The following RORA variants were observed in gnomAD, a reference collection of about 807,000 sequenced individuals.
RORA encodes the protein nuclear receptor ROR-alpha.
In RORA, 7 loss-of-function variants were observed where a neutral mutation model predicts 69.5. The ratio of observed to expected loss-of-function variants is 0.10; its 90% CI spans 0.06 to 0.19. The LOEUF (loss-of-function observed/expected upper bound fraction) is 0.19. Ranked by LOEUF, RORA falls within the 10% of genes least tolerant of loss-of-function variation. RORA has a pLI of 1.00. For missense variants in RORA, 457 were observed against 663.0 expected, an observed-to-expected ratio of 0.69 and a Z score of 3.41; for synonymous variants, 261 against 240.8, an observed-to-expected ratio of 1.08 and a Z score of -0.78.
At chr15:60,585,760 C>A (rs928782941) in intron 2 of RORA, among the ~76,000 whole-genome samples, 13 of 152,024 alleles carry the variant, frequency 8.6e-5, no homozygotes, top group African/African-American at 2.9e-4. Flanking sequence ...ATTTTTTTTC[C>A]TTTACTTCCT....
At chr15:60,854,321 G>A (rs550887246) in intron 1 of RORA, among the ~76,000 whole-genome samples, 6 of 151,892 alleles carry the variant, frequency 4.0e-5, no homozygotes, top group Admixed American at 2.0e-4. Flanking sequence ...AACATAGTTC[G>A]AATTCAAATA....
At chr15:61,054,565 C>A (rs1371662798) in intron 1 of RORA, among the ~76,000 whole-genome samples, 1 of 152,144 alleles carries the variant, frequency 6.6e-6, no homozygotes, top group African/African-American at 2.4e-5. Context: ...ATTTAGGCTC[C>A]AAGCAATAAT....
intron 1 of RORA, among the ~76,000 whole-genome samples, chr15:60,925,096 TAA>T (rs1892170668): frequency 2.5e-5 from 1 of 40,050 alleles, no homozygotes; most frequent in African/African-American, 9.6e-5. Flanking sequence ...AATAAATTAA[TAA>T]AATAAAATAA....
chr15:60,494,018 C>T lies in RORA; in HGVS notation c.*3437G>A, dbSNP rs565806448. 2 of 151,862 alleles carry T rather than the reference C, an allele frequency of 1.3e-5. No homozygotes were observed. Among genetic ancestry groups the T allele is most frequent in the African/African-American group, 4.9e-5 (2 of 41,134 alleles). 9.4% of individuals were successfully genotyped at this position (151,862 alleles called of 1,614,324 possible). On this transcript the variant is annotated 3_prime_UTR_variant, in exon 11 of 11. Coordinates refer to ENST00000335670, the MANE Select transcript of RORA (RefSeq NM_134261.3). Reference sequence around the variant, plus strand: ...TCCTCACCTGACCCTCAGCCCACCCCCATACGCTCACAGATAACTGGGTAT... The same window carrying T: ...TCCTCACCTGACCCTCAGCCCACCCTCATACGCTCACAGATAACTGGGTAT...
intron 2 of RORA, among the ~76,000 whole-genome samples, chr15:60,611,266 G>T (rs552299469): frequency 6.6e-6 from 1 of 152,054 alleles, no homozygotes; most frequent in African/African-American, 2.4e-5. Context: ...CTCCATAGCA[G>T]GAGTGGCTAG....
intron 1 of RORA, among the ~76,000 whole-genome samples, chr15:60,693,984 C>T (rs1306937968): frequency 6.6e-6 from 1 of 152,086 alleles, no homozygotes; most frequent in East Asian, 1.9e-4. Context: ...GCCCGTATAG[C>T]CAAGACCATC....
At chr15:60,912,867 T>C (rs530941387) in intron 1 of RORA, among the ~76,000 whole-genome samples, 1 of 152,278 alleles carries the variant, frequency 6.6e-6, no homozygotes, top group East Asian at 1.9e-4. Context: ...GATTTAAAAA[T>C]TTTTTACAAC....
intron 1 of RORA, among the ~76,000 whole-genome samples, chr15:60,976,525 G>A (rs1052207458): frequency 7.9e-5 from 12 of 152,038 alleles, no homozygotes; most frequent in East Asian, 5.8e-4. Context: ...CAGCATCAGC[G>A]GCGACATTTC....
intron 1 of RORA, among the ~76,000 whole-genome samples, chr15:60,950,005 A>C (rs1893033983): frequency 6.6e-6 from 1 of 152,028 alleles, no homozygotes; most frequent in Non-Finnish European, 1.5e-5. Context: ...CCAAAGTTGA[A>C]ATGAAGGAAA....
At chr15:61,124,702 C>G (rs556391595) in intron 1 of RORA, among the ~76,000 whole-genome samples, 1 of 152,238 alleles carries the variant, frequency 6.6e-6, no homozygotes, top group Non-Finnish European at 1.5e-5. Context: ...GCAATAAAAC[C>G]TCTATCAATA....
chr15:60,988,733 A>G (rs925015451), intron 1 of RORA, among the ~76,000 whole-genome samples: 2 of 152,188 alleles, frequency 1.3e-5, no homozygotes, highest in Non-Finnish European at 1.5e-5. Flanking sequence ...AACATTCTCA[A>G]TAAGGTACAC....
intron 6 of RORA, among the ~76,000 whole-genome samples, 156 bp from the exon 7 acceptor site, chr15:60,503,823 G>C (rs2065407055): frequency 6.6e-6 from 1 of 152,138 alleles, no homozygotes; most frequent in Non-Finnish European, 1.5e-5. Flanking sequence ...TTATTTTTGA[G>C]ATGGAGTCTC....
intron 1 of RORA, among the ~76,000 whole-genome samples, chr15:61,146,163 T>C (rs979674917): frequency 6.6e-6 from 1 of 152,184 alleles, no homozygotes; most frequent in Non-Finnish European, 1.5e-5. Flanking sequence ...TTTAAAAATA[T>C]GTCGAGGATT....
intron 1 of RORA, among the ~76,000 whole-genome samples, chr15:60,966,557 T>C (rs1880423186): frequency 6.6e-6 from 1 of 152,206 alleles, no homozygotes; most frequent in African/African-American, 2.4e-5. Flanking sequence ...ATCTGGCACA[T>C]GGTAGGAATG....
chr15:60,859,753 A>C (rs1020517395), intron 1 of RORA, among the ~76,000 whole-genome samples: 19 of 150,710 alleles, frequency 1.3e-4, no homozygotes, highest in African/African-American at 4.6e-4. Flanking sequence ...GCCACACTGA[A>C]GACTCACCAG....
At chr15:60,650,355 C>T (rs1486016804) in intron 2 of RORA, among the ~76,000 whole-genome samples, 13 of 152,156 alleles carry the variant, frequency 8.5e-5, no homozygotes, top group Non-Finnish European at 1.5e-4. Context: ...ATTTACGCTG[C>T]TGGCTTTTAT....
intron 1 of RORA, among the ~76,000 whole-genome samples, chr15:61,053,068 C>T (rs2078035534): frequency 6.6e-6 from 1 of 152,178 alleles, no homozygotes; most frequent in Non-Finnish European, 1.5e-5. Flanking sequence ...ATACATCACT[C>T]CTGCTTTTGT....
At chr15:60,745,835 T>C (rs1426347673) in intron 1 of RORA, among the ~76,000 whole-genome samples, 1 of 152,142 alleles carries the variant, frequency 6.6e-6, no homozygotes, top group East Asian at 1.9e-4. Flanking sequence ...GATTTGGAGA[T>C]CTCCCATTCT....
At chr15:60,807,806 A>G (rs1463555711) in intron 1 of RORA, among the ~76,000 whole-genome samples, 1 of 152,236 alleles carries the variant, frequency 6.6e-6, no homozygotes, top group African/African-American at 2.4e-5. Context: ...AACAAAGCAA[A>G]CAAAAGCAGA....
Sources: gnomAD v4.1 joint callset for allele counts (sites outside exome capture counted in the v4.1 genomes callset) on GRCh38, gnomAD v4.1.1 for gene constraint, MANE v1.5 for transcripts, NCBI Gene and HGNC (gene_info 2026-07-23, HGNC 2026-07-21) for gene names.